Variants in METTL25 observed in about 807,000 individuals in gnomAD.
The protein encoded by METTL25 is probable methyltransferase-like protein 25.
In METTL25, 64 loss-of-function variants were observed where a neutral mutation model predicts 71.6. The ratio of observed to expected loss-of-function variants is 0.89; its 90% CI spans 0.73 to 1.10. METTL25 has a LOEUF of 1.10. Among genes scored for constraint, METTL25 ranks in the 50% least tolerant of loss-of-function variants. METTL25 has a pLI of 0.00. For synonymous variants in METTL25, 287 were observed against 250.3 expected (o/e 1.15, Z -1.38); for missense variants, 807 against 707.0 (o/e 1.14, Z -1.60).
rs1015264188 is a variant in METTL25 at position 82,429,344 on chromosome 12, T to G, written c.1280-1549T>G. Among the ~76,000 whole-genome samples the G allele has an allele frequency of 5.3e-5, 8 of 150,758 alleles. No individual in the cohort carries two copies. In the South Asian group the frequency reaches 1.7e-3, roughly 31 times the overall value. On this transcript the variant is annotated intron_variant, in intron 5 of 11. Transcript: ENST00000248306. ...GCTTATTTCACTTAACACAGTGACT[T>G]CCGTTTCTACCCATATTGCTGCAAA... is the stretch of plus-strand genomic sequence containing the variant.
chr12:82,457,496 G>T (rs1219670317), intron 9 of METTL25, among the ~76,000 whole-genome samples: 2 of 151,892 alleles, frequency 1.3e-5, no homozygotes, highest in Non-Finnish European at 2.9e-5. Flanking sequence ...ACATAATAAT[G>T]TTATATCAAA....
chr12:82,451,447 T>G (rs367663511), intron 8 of METTL25: 13 of 163,184 alleles, frequency 8.0e-5, no homozygotes, highest in African/African-American at 2.6e-4. Flanking sequence ...AAATTGGGGT[T>G]AATAGCAGTA....
At chr12:82,445,249 G>A (rs1890655222) in intron 8 of METTL25, among the ~76,000 whole-genome samples, 1 of 151,842 alleles carries the variant, frequency 6.6e-6, no homozygotes, top group Admixed American at 6.6e-5. Flanking sequence ...TATACATATT[G>A]TTTACCATTT....
rs538551748 is a variant in METTL25, at chr12:82,422,134, T to C, written c.1280-8759T>C. 2.5e-3 allele frequency among the ~76,000 whole-genome samples: 384 copies of C among 152,236 alleles called. 2 individuals carry two copies. Among genetic ancestry groups the C allele is most frequent in the African/African-American group, 8.7e-3 (362 of 41,534 alleles). On this transcript the variant is annotated intron_variant, in intron 5 of 11. Coordinates refer to ENST00000248306, the MANE Select transcript of METTL25 (RefSeq NM_032230.3). ...GACCAATATCCGTGATGAACATCAA[T>C]GCAAAAATCCTCAATAAAATACTGG...
At chr12:82,390,340 G>A (rs902715256) in intron 3 of METTL25, among the ~76,000 whole-genome samples, 3 of 152,128 alleles carry the variant, frequency 2.0e-5, no homozygotes, top group Admixed American at 6.6e-5. Context: ...GTAACACAAA[G>A]TAGTTATGTT....
chr12:82,362,736 A>C (rs2136796811), intron 1 of METTL25, among the ~76,000 whole-genome samples: 1 of 152,334 alleles, frequency 6.6e-6, no homozygotes, highest in South Asian at 2.1e-4. Context: ...GAAGGTAAGA[A>C]AGGTGAAGGA....
In METTL25 at chr12:82,403,097, C is replaced by CT; in HGVS notation, c.1247dup (p.Ser418IlefsTer2). 1 of 1,612,626 alleles carries CT rather than the reference C, an allele frequency of 6.2e-7. No individual in the cohort carries two copies. The highest frequency in any genetic ancestry group is 8.5e-7 in the Non-Finnish European group (1 of 1,179,334). On this transcript the variant is annotated frameshift_variant, in exon 5 of 12. Transcript: ENST00000248306. LOFTEE classifies it high-confidence loss of function. ...TTGCAGTGTGGGTTGTTGCTACCAC[C>CT]TCTTATCTGAAGAATTTGAAAACCA...
chr12:82,363,143 A>G (rs1422853998), intron 1 of METTL25, among the ~76,000 whole-genome samples: 4 of 152,198 alleles, frequency 2.6e-5, no homozygotes. Flanking sequence ...CTAAGATCTG[A>G]GTATAAACGC....
At chr12:82,374,844 G>T (rs1203520049) in intron 1 of METTL25, among the ~76,000 whole-genome samples, 2 of 152,204 alleles carry the variant, frequency 1.3e-5, no homozygotes, top group Non-Finnish European at 2.9e-5. Flanking sequence ...TGGAGGCTTG[G>T]CTGTTAAACT....
chr12:82,465,377 C>T (rs1012090144), intron 9 of METTL25, among the ~76,000 whole-genome samples: 1 of 151,728 alleles, frequency 6.6e-6, no homozygotes, highest in Non-Finnish European at 1.5e-5. Flanking sequence ...AGTTTTTGTC[C>T]TTCATTCTGT....
At chr12:82,441,799 AAAT>A (rs1890357721) in intron 8 of METTL25, among the ~76,000 whole-genome samples, 1 of 131,088 alleles carries the variant, frequency 7.6e-6, no homozygotes. Flanking sequence ...AAAAAAAAAA[AAAT>A]AGAAACACAC....
intron 5 of METTL25, among the ~76,000 whole-genome samples, chr12:82,416,352 T>C (rs1887981156): frequency 6.6e-6 from 1 of 152,064 alleles, no homozygotes; most frequent in Admixed American, 6.6e-5. Context: ...ATTATTCTTC[T>C]GGTTATACTA....
chr12:82,379,694 C>G lies in METTL25; in HGVS notation c.260-7109C>G, dbSNP rs141109315. 9.9e-3 allele frequency among the ~76,000 whole-genome samples: 1,506 copies of G among 152,284 alleles called. 23 individuals carry two copies. The highest frequency in any genetic ancestry group is 0.034 in the African/African-American group (1,420 of 41,572). On this transcript the variant is annotated intron_variant, in intron 1 of 11. Coordinates refer to ENST00000248306, the MANE Select transcript of METTL25 (RefSeq NM_032230.3). ...ATTAATACTAAAACTCTCTCCTGCA[C>G]TTGAAAGTTGATCCTGGGACATGAT...
At chr12:82,409,761 C>G (rs971735446) in intron 5 of METTL25, among the ~76,000 whole-genome samples, 1 of 152,004 alleles carries the variant, frequency 6.6e-6, no homozygotes, top group South Asian at 2.1e-4. Context: ...ATGTTTACCC[C>G]CAGCCTTAAT....
At chr12:82,369,658 G>A (rs548409718) in intron 1 of METTL25, 69 of 256,928 alleles carry the variant, frequency 2.7e-4, no homozygotes, top group Admixed American at 2.0e-3. Flanking sequence ...CCACAGTGTG[G>A]AAGGGGACCT....
chr12:82,410,885 T>C (rs1385964087), intron 5 of METTL25, among the ~76,000 whole-genome samples: 1 of 152,086 alleles, frequency 6.6e-6, no homozygotes, highest in African/African-American at 2.4e-5. Context: ...TCAGTCTGTC[T>C]CATGCATAAG....
At chr12:82,474,621 T>G (rs1565892033) in intron 9 of METTL25, 1 of 152,004 alleles carries the variant, frequency 6.6e-6, no homozygotes. Context: ...TTTGGTTTGG[T>G]TTTTTTTACA....
chr12:82,426,272 G>A (rs1889001059), intron 5 of METTL25, among the ~76,000 whole-genome samples: 1 of 152,066 alleles, frequency 6.6e-6, no homozygotes, highest in East Asian at 1.9e-4. Flanking sequence ...AAGAGCAAAG[G>A]TGTGAGGCCA....
intron 8 of METTL25, among the ~76,000 whole-genome samples, chr12:82,446,611 C>CT (rs1033730185): frequency 0.017 from 2,235 of 134,254 alleles, 60 homozygotes; most frequent in Admixed American, 0.074. Context: ...TTTAAAATTT[C>CT]TTTTTTTTTT....
Sources: gnomAD v4.1 joint callset for allele counts (sites outside exome capture counted in the v4.1 genomes callset) on GRCh38, gnomAD v4.1.1 for gene constraint, MANE v1.5 for transcripts, NCBI Gene and HGNC (gene_info 2026-07-23, HGNC 2026-07-21) for gene names.